Variants in UNC119B observed in about 807,000 individuals in gnomAD.
UNC119B encodes unc-119 lipid binding chaperone B.
A neutral mutation model predicts 23.4 loss-of-function variants in UNC119B; 16 were observed. The observed-to-expected ratio is 0.68, with a 90% CI of 0.46 to 1.04. The LOEUF is 1.04. UNC119B is among the 50% of genes least tolerant of loss of function. UNC119B has a pLI of 0.00. For synonymous variants in UNC119B, 144 were observed against 145.4 expected, an observed-to-expected ratio of 0.99 and a Z score of 0.07; for missense variants, 350 against 361.3, an observed-to-expected ratio of 0.97 and a Z score of 0.25.
At chr12:120,710,777 C>T in intron 1 of UNC119B, 59 bp downstream of exon 1, 1 of 1,279,176 alleles carries the variant, frequency 7.8e-7, no homozygotes, top group Middle Eastern at 3.0e-4. Context: ...CCGGAGCCTT[C>T]AGCGGACCCG....
intron 2 of UNC119B, among the ~76,000 whole-genome samples, chr12:120,715,441 C>T (rs1882758649): frequency 6.6e-6 from 1 of 150,386 alleles, no homozygotes. Flanking sequence ...TCATGTACAG[C>T]TTAGACCTGG....
At chr12:120,715,730 T>G (rs945517506) in intron 2 of UNC119B, among the ~76,000 whole-genome samples, 1 of 152,030 alleles carries the variant, frequency 6.6e-6, no homozygotes, top group Admixed American at 6.6e-5. Context: ...ACAGGGTTTC[T>G]CCATGTTGGT....
Position 120,716,722 on chromosome 12 carries a change from C to G in UNC119B, c.453C>G (p.Leu151=). 6.2e-7 allele frequency: 1 copy of G among 1,614,180 alleles called. No individual in the cohort carries two copies. Among genetic ancestry groups the G allele is most frequent in the Non-Finnish European group, 8.5e-7 (1 of 1,180,012 alleles). Residue 151 remains leucine, a synonymous_variant, in exon 3 of 5, where the codon CTC becomes CTG. Coordinates refer to ENST00000344651, the MANE Select transcript of UNC119B (RefSeq NM_001080533.3). ...AGTTCACACCGGCATTTCTCCGCCT[C>G]CGGACAGTCGGGGCTACGTGAGTAC... ...RYQFTPAFLR[L]RTVGATVEFT...
rs537711314 is a variant in UNC119B, at chr12:120,721,952, T to G, written c.*1920T>G. 1 of 152,802 alleles carries G rather than the reference T, an allele frequency of 6.5e-6. No individual in the cohort carries two copies. Among genetic ancestry groups the G allele is most frequent in the South Asian group, 2.1e-4 (1 of 4,830 alleles). 9.5% of individuals were successfully genotyped at this position (152,802 alleles called of 1,614,324 possible). A position where few individuals can be genotyped will look rare whatever the true frequency, so the allele number is the denominator to read the frequency against. ...GGCTCCTCAAATGGGATTTGCATGT[T>G]CCTGTCAAGCGTAACAACAATCCCT... On this transcript the variant is annotated 3_prime_UTR_variant, in exon 5 of 5. Coordinates refer to ENST00000344651, the MANE Select transcript of UNC119B (RefSeq NM_001080533.3).
In UNC119B at chr12:120,723,106, T is replaced by G. The variant is rs948338144; in HGVS notation, c.*3074T>G. The G allele has an allele frequency of 2.0e-5, 3 of 153,758 alleles. No individual in the cohort carries two copies. Among genetic ancestry groups the G allele is most frequent in the Non-Finnish European group, 4.4e-5 (3 of 68,236 alleles). The allele number at this position is 153,758 out of a possible 1,614,324, so 9.5% of individuals were successfully genotyped here. ...ACAAACTGGGTGAGTCCTGCCTTAG[T>G]GTGTCCTGCCCCACCGGTACGCTTC... On this transcript the variant is annotated 3_prime_UTR_variant, in exon 5 of 5. Transcript: ENST00000344651.
chr12:120,717,798 G>A (rs1248395258), intron 4 of UNC119B, among the ~76,000 whole-genome samples: 1 of 150,928 alleles, frequency 6.6e-6, no homozygotes, highest in Admixed American at 6.6e-5. Flanking sequence ...TCCTGACCCT[G>A]TGATCCACCT....
chr12:120,717,142 C>T, intron 4 of UNC119B, 100 bp downstream of exon 4: 3 of 1,207,040 alleles, frequency 2.5e-6, no homozygotes, highest in Non-Finnish European at 3.5e-6. Context: ...TGTCTCGTGG[C>T]AGTGCTGACA....
At chr12:120,713,249 G>C (rs1482592236) in intron 1 of UNC119B, 25 bp from the exon 2 acceptor site, 4 of 1,515,538 alleles carry the variant, frequency 2.6e-6, no homozygotes, top group African/African-American at 1.5e-5. Flanking sequence ...ATTTAACAGT[G>C]TTGGTTTCTC....
intron 4 of UNC119B, among the ~76,000 whole-genome samples, chr12:120,718,894 G>A (rs1034836686): frequency 1.4e-4 from 22 of 152,196 alleles, no homozygotes; most frequent in Non-Finnish European, 3.1e-4. Flanking sequence ...GTGGGGCAGG[G>A]TGTTGACGAC....
intron 4 of UNC119B, among the ~76,000 whole-genome samples, chr12:120,717,490 C>T (rs865898177): frequency 1.3e-5 from 2 of 152,114 alleles, no homozygotes; most frequent in South Asian, 4.1e-4. Context: ...AACACTTGAC[C>T]TCATGATCCA....
chr12:120,716,373 C>T (rs1882778418), intron 2 of UNC119B, among the ~76,000 whole-genome samples: 1 of 152,248 alleles, frequency 6.6e-6, no homozygotes, highest in Non-Finnish European at 1.5e-5. Flanking sequence ...GGACTTTGGA[C>T]ATGTTACCTG....
rs1377654412 is a variant in UNC119B at position 120,716,554 on chromosome 12, G to T, written c.359-74G>T. ...TACTGGGATTGGTTGCCATTGTGCT[G>T]TTGGGACTGGTGATAGAACTCTTGG... On this transcript the variant is annotated intron_variant, in intron 2 of 4. Coordinates refer to ENST00000344651, the MANE Select transcript of UNC119B (RefSeq NM_001080533.3). The T allele has an allele frequency of 1.1e-5, 16 of 1,513,512 alleles. No individual in the cohort carries two copies. In the Admixed American group the frequency reaches 2.3e-4, roughly 22 times the overall value. The allele number at this position is 1,513,512 out of a possible 1,614,324, so 93.8% of individuals were successfully genotyped here. A position where few individuals can be genotyped will look rare whatever the true frequency, so the allele number is the denominator to read the frequency against.
rs746363005 is a variant in UNC119B at position 120,716,615 on chromosome 12, T to C, written c.359-13T>C. 18 of 1,613,664 alleles carry C rather than the reference T, an allele frequency of 1.1e-5. No individual in the cohort carries two copies. In the East Asian group the frequency reaches 2.9e-4, roughly 26 times the overall value. ...TCGAGATGGTGCACTGAAGATTCTGTGTGCTCTTTCAGACCAGGAGGAGGA... is the reference window on the plus strand; with the variant it reads ...TCGAGATGGTGCACTGAAGATTCTGCGTGCTCTTTCAGACCAGGAGGAGGA... On this transcript the variant is annotated splice_polypyrimidine_tract_variant and intron_variant, in intron 2 of 4. Coordinates refer to ENST00000344651, the MANE Select transcript of UNC119B (RefSeq NM_001080533.3).
chr12:120,712,944 T>G (rs1369183245), intron 1 of UNC119B, among the ~76,000 whole-genome samples: 1 of 152,280 alleles, frequency 6.6e-6, no homozygotes, highest in Admixed American at 6.5e-5. Context: ...ATTGGAATTC[T>G]ATAAAAAGTT....
chr12:120,719,884 C>A, intron 4 of UNC119B, 36 bp from the exon 5 acceptor site: 1 of 1,496,320 alleles, frequency 6.7e-7, no homozygotes, highest in Non-Finnish European at 9.3e-7. Context: ...AAACATAATT[C>A]TTTGCTTTTT....
At chr12:120,718,611 A>G (rs1882829312) in intron 4 of UNC119B, among the ~76,000 whole-genome samples, 1 of 152,188 alleles carries the variant, frequency 6.6e-6, no homozygotes, top group African/African-American at 2.4e-5. Flanking sequence ...ATGGGGACCA[A>G]ACGAGAGAGA....
Position 120,720,013 on chromosome 12 carries a change from C to T in UNC119B, c.737C>T (p.Ala246Val). 6.2e-7 allele frequency: 1 copy of T among 1,613,746 alleles called. No homozygotes were observed. Among genetic ancestry groups the T allele is most frequent in the Non-Finnish European group, 8.5e-7 (1 of 1,179,710 alleles). The change falls in exon 5 of 5, where the codon GCC becomes GTC. Residue 246 changes from alanine (A) to valine (V), a missense_variant. Transcript: ENST00000344651. ...KLIMHNKADY[A>V]YNGGQ Reference sequence around the variant, plus strand: ...ATAATGCACAACAAGGCTGATTATGCCTATAATGGAGGCCAGTAAGTGCTG... The same window carrying T: ...ATAATGCACAACAAGGCTGATTATGTCTATAATGGAGGCCAGTAAGTGCTG...
At position 120,716,854 on chromosome 12, in the gene UNC119B, G is replaced by A. The variant is rs1882790584; in HGVS notation, c.471-16G>A. 6.2e-7 allele frequency: 1 copy of A among 1,607,300 alleles called. No homozygotes were observed. The highest frequency in any genetic ancestry group is 8.5e-7 in the Non-Finnish European group (1 of 1,174,574). Reference sequence around the variant, plus strand: ...GGGAGGAGGCAAAGTCGGGCTTACAGAGATTTATTTTCCAGGGTGGAGTTC... The same window carrying A: ...GGGAGGAGGCAAAGTCGGGCTTACAAAGATTTATTTTCCAGGGTGGAGTTC... On this transcript the variant is annotated splice_polypyrimidine_tract_variant and intron_variant, in intron 3 of 4. Transcript: ENST00000344651.
chr12:120,719,716 C>G (rs1251287242), intron 4 of UNC119B, among the ~76,000 whole-genome samples: 4 of 152,094 alleles, frequency 2.6e-5, no homozygotes, highest in Non-Finnish European at 4.4e-5. Flanking sequence ...AAATGGAGAT[C>G]ATGTTCAGCT....
Sources: allele counts gnomAD v4.1 joint callset (sites outside exome capture counted in the v4.1 genomes callset), GRCh38; gene constraint gnomAD v4.1.1; transcripts MANE v1.5; gene names NCBI Gene and HGNC (gene_info 2026-07-23, HGNC 2026-07-21).